The following ENDOD1 variants were observed in gnomAD, a reference collection of about 807,000 sequenced individuals.
ENDOD1 encodes the protein endonuclease domain containing 1, also known as endonuclease domain-containing 1 protein.
ENDOD1 carries 9 observed loss-of-function variants against 6.5 expected under a neutral mutation model. That is an observed-to-expected ratio of 1.39 (90% confidence interval 0.84 to 2.43). The LOEUF is 2.43. Ranked by LOEUF, ENDOD1 falls within the 30% of genes most tolerant of loss-of-function variation. ENDOD1 has a pLI of 0.00. For synonymous variants in ENDOD1, 255 were observed against 255.2 expected, an observed-to-expected ratio of 1.00 and a Z score of 0.01; for missense variants, 648 against 635.5, an observed-to-expected ratio of 1.02 and a Z score of -0.21.
At chr11:95,100,865 G>GTTTTTTTTTT (rs34680715) in intron 1 of ENDOD1, among the ~76,000 whole-genome samples, 20 of 72,278 alleles carry the variant, frequency 2.8e-4, no homozygotes, top group East Asian at 4.8e-4. Flanking sequence ...CCTGCTGGGT[G>GTTTTTTTTTT]TTTTTTTTTT....
rs746080150 is a variant in ENDOD1, at chr11:95,132,472, G to A, written c.*2893G>A. The A allele has an allele frequency of 3.3e-5, 5 of 152,202 alleles. No individual in the cohort carries two copies. Among genetic ancestry groups the A allele is most frequent in the African/African-American group, 1.2e-4 (5 of 41,442 alleles). 9.4% of individuals were successfully genotyped at this position (152,202 alleles called of 1,614,324 possible). A position where few individuals can be genotyped will look rare whatever the true frequency, so the allele number is the denominator to read the frequency against. Reference sequence around the variant, plus strand: ...ATCGTAACACATGAAGGACAAGTAAGTGCTGCAGTAAAGGTACTAATAACA... The same window carrying A: ...ATCGTAACACATGAAGGACAAGTAAATGCTGCAGTAAAGGTACTAATAACA... On this transcript the variant is annotated 3_prime_UTR_variant, in exon 2 of 2. Coordinates refer to ENST00000278505, the MANE Select transcript of ENDOD1 (RefSeq NM_015036.3).
intron 1 of ENDOD1, among the ~76,000 whole-genome samples, chr11:95,121,558 T>A (rs1859262220): frequency 6.6e-6 from 1 of 152,224 alleles, no homozygotes; most frequent in Non-Finnish European, 1.5e-5. Flanking sequence ...CCTCCAATAC[T>A]CTTTTCAATT....
At chr11:95,107,322 A>G (rs1396462192) in intron 1 of ENDOD1, among the ~76,000 whole-genome samples, 1 of 149,830 alleles carries the variant, frequency 6.7e-6, no homozygotes, top group African/African-American at 2.5e-5. Flanking sequence ...CGAGAGAGCG[A>G]GACTCAGTCT....
In ENDOD1 at chr11:95,126,019, A is replaced by T. The variant is rs537703505; in HGVS notation, c.301-2358A>T. ...TTCTAGATCCCTGAGGAATCTCCAC[A>T]CCAACTTCCTCTATCCTACAAGGGA... On this transcript the variant is annotated intron_variant, in intron 1 of 1. Coordinates refer to ENST00000278505, the MANE Select transcript of ENDOD1 (RefSeq NM_015036.3). Among the ~76,000 whole-genome samples the T allele has an allele frequency of 7.2e-5, 11 of 152,314 alleles. No homozygotes were observed. The East Asian group carries it at 2.1e-3, about 29-fold the overall frequency.
chr11:95,091,029 G>A (rs1858925864), intron 1 of ENDOD1, among the ~76,000 whole-genome samples: 1 of 152,102 alleles, frequency 6.6e-6, no homozygotes, highest in Non-Finnish European at 1.5e-5. Context: ...CTAGGAAATC[G>A]TGTCACCTCT....
chr11:95,108,534 C>CACACACACACAAAAAAA (rs1176686943), intron 1 of ENDOD1, among the ~76,000 whole-genome samples: 4 of 141,756 alleles, frequency 2.8e-5, no homozygotes, highest in African/African-American at 7.6e-5. Flanking sequence ...CACAGACACC[C>CACACACACACAAAAAAA]AAAAAAAGAA....
chr11:95,113,401 A>C (rs1859169311), intron 1 of ENDOD1, among the ~76,000 whole-genome samples: 1 of 152,034 alleles, frequency 6.6e-6, no homozygotes, highest in African/African-American at 2.4e-5. Flanking sequence ...ACTCCCCACT[A>C]TCTTTCCCAG....
rs1456659453 is a variant in ENDOD1 at position 95,132,497 on chromosome 11, A to G, written c.*2918A>G. ...GTGCTGCAGTAAAGGTACTAATAAC[A>G]TGTTCCTTGGAACAGAGGAAGAAAA... On this transcript the variant is annotated 3_prime_UTR_variant, in exon 2 of 2. Transcript: ENST00000278505. 6.6e-6 allele frequency: 1 copy of G among 151,388 alleles called. No homozygotes were observed. Among genetic ancestry groups the G allele is most frequent in the South Asian group, 2.1e-4 (1 of 4,666 alleles). The allele number at this position is 151,388 out of a possible 1,614,324, so 9.4% of individuals were successfully genotyped here. A position where few individuals can be genotyped will look rare whatever the true frequency, so the allele number is the denominator to read the frequency against.
At chr11:95,102,536 G>A (rs1859050580) in intron 1 of ENDOD1, among the ~76,000 whole-genome samples, 1 of 152,110 alleles carries the variant, frequency 6.6e-6, no homozygotes, top group Non-Finnish European at 1.5e-5. Flanking sequence ...GCTGGGCGTG[G>A]TGGCACATGC....
At chr11:95,090,268 G>C in intron 1 of ENDOD1, 41 bp downstream of exon 1, 3 of 1,357,564 alleles carry the variant, frequency 2.2e-6, no homozygotes, top group Non-Finnish European at 2.8e-6. Context: ...GGGCGCCGGA[G>C]ACCGTGCCGC....
chr11:95,125,939 A>AATCCTTATT (rs1197119904), intron 1 of ENDOD1, among the ~76,000 whole-genome samples: 1 of 152,142 alleles, frequency 6.6e-6, no homozygotes, highest in African/African-American at 2.4e-5. Context: ...CATGATTTAT[A>AATCCTTATT]ATCCTTTGGG....
At chr11:95,109,753 C>T (rs550625499) in intron 1 of ENDOD1, among the ~76,000 whole-genome samples, 7 of 152,368 alleles carry the variant, frequency 4.6e-5, no homozygotes, top group East Asian at 1.9e-4. Flanking sequence ...TTCGAGAATC[C>T]ACCCTTCTCC....
At chr11:95,098,242 A>C (rs58547268) in intron 1 of ENDOD1, among the ~76,000 whole-genome samples, 22,282 of 152,092 alleles carry the variant, frequency 0.15, 2,181 homozygotes, top group African/African-American at 0.29. Flanking sequence ...ACATGGGATA[A>C]ATCAGTTCTA....
chr11:95,103,141 C>G (rs904430731), intron 1 of ENDOD1, among the ~76,000 whole-genome samples: 1 of 131,224 alleles, frequency 7.6e-6, no homozygotes, highest in Middle Eastern at 4.0e-3. Context: ...GTGTGTGTTT[C>G]CTCTCAGTGA....
At chr11:95,098,993 G>A (rs906811447) in intron 1 of ENDOD1, among the ~76,000 whole-genome samples, 1 of 152,172 alleles carries the variant, frequency 6.6e-6, no homozygotes, top group African/African-American at 2.4e-5. Context: ...TATAGAGGGT[G>A]TGTTTCTAGC....
intron 1 of ENDOD1, among the ~76,000 whole-genome samples, chr11:95,123,088 C>T (rs755543797): frequency 6.6e-6 from 1 of 151,844 alleles, no homozygotes; most frequent in Non-Finnish European, 1.5e-5. Flanking sequence ...ACTCCAGAGG[C>T]TGAGGCAGGA....
rs1478028005 is a variant in ENDOD1, at chr11:95,129,141, G to T, written c.1065G>T (p.Lys355Asn). Residue 355 changes from lysine to asparagine, a missense_variant, in exon 2 of 2, where the codon AAG (lysine) becomes AAT (asparagine). By Grantham distance (94) the Lys-to-Asn change is moderately conservative (BLOSUM62 0). Coordinates refer to ENST00000278505, the MANE Select transcript of ENDOD1 (RefSeq NM_015036.3). Reference protein sequence around the residue: ...LIYYLVVAILKNIVYFLWCVT... With the variant: ...LIYYLVVAILNNIVYFLWCVT... ...ATTACCTTGTGGTAGCAATCCTGAA[G>T]AACATTGTCTATTTCCTGTGGTGTG... 1 of 1,614,140 alleles carries T rather than the reference G, an allele frequency of 6.2e-7. No homozygotes were observed. Among genetic ancestry groups the T allele is most frequent in the Non-Finnish European group, 8.5e-7 (1 of 1,180,018 alleles).
At chr11:95,101,112 G>A (rs1166285630) in intron 1 of ENDOD1, among the ~76,000 whole-genome samples, 1 of 151,992 alleles carries the variant, frequency 6.6e-6, no homozygotes, top group Admixed American at 6.6e-5. Flanking sequence ...TTCTGTGAAG[G>A]GCTAAATAGT....
chr11:95,104,173 G>A (rs1284281088), intron 1 of ENDOD1, among the ~76,000 whole-genome samples: 1 of 152,168 alleles, frequency 6.6e-6, no homozygotes, highest in East Asian at 1.9e-4. Flanking sequence ...GTCCCAGGTG[G>A]GTGCAGTGCC....
Sources: gnomAD v4.1 joint callset for allele counts (sites outside exome capture counted in the v4.1 genomes callset) on GRCh38, gnomAD v4.1.1 for gene constraint, MANE v1.5 for transcripts, NCBI Gene and HGNC (gene_info 2026-07-23, HGNC 2026-07-21) for gene names.